Variants in GRM7 observed in about 807,000 individuals in gnomAD.
GRM7 encodes glutamate metabotropic receptor 7, also known as metabotropic glutamate receptor 7.
Under a neutral mutation model 84.5 loss-of-function variants are expected in GRM7, and 35 were observed. That is an observed-to-expected ratio of 0.41 (90% CI 0.32 to 0.55). The LOEUF is 0.55. Among genes scored for constraint, GRM7 ranks in the 20% least tolerant of loss-of-function variants. GRM7 has a pLI of 0.19. For synonymous variants in GRM7, 487 were observed against 455.1 expected, an observed-to-expected ratio of 1.07 and a Z score of -0.89; for missense variants, 1,003 against 1,194.6, an observed-to-expected ratio of 0.84 and a Z score of 2.36.
intron 7 of GRM7, among the ~76,000 whole-genome samples, chr3:7,514,923 A>AT (rs369484762): frequency 3.0e-4 from 44 of 148,046 alleles, no homozygotes; most frequent in Admixed American, 5.4e-4. Context: ...AGTTAGCTGG[A>AT]TTTTTTTTTT....
chr3:7,319,430 T>G (rs1425084702), intron 4 of GRM7, among the ~76,000 whole-genome samples: 1 of 152,032 alleles, frequency 6.6e-6, no homozygotes, highest in Non-Finnish European at 1.5e-5. Context: ...GGATATGTGA[T>G]GGAGATTTTG....
Position 6,959,101 on chromosome 3 carries a change from G to A in GRM7, c.519+97194G>A, listed in dbSNP as rs531035666. ...GAAAGTGATAGCTATGCTTGATTGT[G>A]TAATATGTGGCAGAATTAAGGCTAA... On this transcript the variant is annotated intron_variant, in intron 1 of 9. Coordinates refer to ENST00000357716, the MANE Select transcript of GRM7 (RefSeq NM_000844.4). Among the ~76,000 whole-genome samples, 9 of 152,266 alleles carry A rather than the reference G, an allele frequency of 5.9e-5. 1 individual carries two copies. Among genetic ancestry groups the A allele is most frequent in the Admixed American group, 5.9e-4 (9 of 15,298 alleles).
At chr3:7,288,181 A>G (rs1699497280) in intron 2 of GRM7, among the ~76,000 whole-genome samples, 1 of 152,194 alleles carries the variant, frequency 6.6e-6, no homozygotes, top group South Asian at 2.1e-4. Context: ...AAGGATATAC[A>G]AAGGAAGATG....
chr3:6,864,825 A>C (rs1279373891), intron 1 of GRM7, among the ~76,000 whole-genome samples: 1 of 152,246 alleles, frequency 6.6e-6, no homozygotes, highest in Non-Finnish European at 1.5e-5. Flanking sequence ...CAAAGTCAGG[A>C]ATGAAATTCC....
At chr3:7,466,022 C>G (rs1217910511) in intron 7 of GRM7, among the ~76,000 whole-genome samples, 1 of 152,116 alleles carries the variant, frequency 6.6e-6, no homozygotes, top group Non-Finnish European at 1.5e-5. Context: ...GGAATCATAA[C>G]CAACAAAACC....
chr3:7,134,170 T>A (rs1426458462), intron 1 of GRM7, among the ~76,000 whole-genome samples: 2 of 152,168 alleles, frequency 1.3e-5, no homozygotes, highest in Non-Finnish European at 2.9e-5. Flanking sequence ...AAGATTAGCG[T>A]CATTTTTCTG....
At chr3:7,204,024 A>G (rs1696152128) in intron 2 of GRM7, among the ~76,000 whole-genome samples, 1 of 152,218 alleles carries the variant, frequency 6.6e-6, no homozygotes, top group Admixed American at 6.5e-5. Context: ...TTATGATTGG[A>G]AACATTTCAA....
At chr3:7,330,828 C>A (rs1424361667) in intron 4 of GRM7, among the ~76,000 whole-genome samples, 4 of 152,122 alleles carry the variant, frequency 2.6e-5, no homozygotes, top group African/African-American at 9.7e-5. Flanking sequence ...TCCAGGGCAC[C>A]ATGTTTGTTC....
chr3:6,866,668 T>C (rs1274145287), intron 1 of GRM7, among the ~76,000 whole-genome samples: 2 of 152,214 alleles, frequency 1.3e-5, no homozygotes, highest in Non-Finnish European at 2.9e-5. Context: ...CTGTGGAATT[T>C]ACAGTGGCAG....
At chr3:7,455,019 C>T (rs1430166050) in intron 6 of GRM7, among the ~76,000 whole-genome samples, 2 of 152,080 alleles carry the variant, frequency 1.3e-5, no homozygotes, top group Admixed American at 6.6e-5. Context: ...AAGCTGGAGA[C>T]ATGCTGTACC....
intron 1 of GRM7, among the ~76,000 whole-genome samples, chr3:6,974,284 GA>G (rs578054828): frequency 2.6e-5 from 4 of 151,910 alleles, no homozygotes; most frequent in Non-Finnish European, 5.9e-5. Context: ...GAGTTTTGGA[GA>G]AAAAAAATTG....
intron 1 of GRM7, among the ~76,000 whole-genome samples, chr3:7,022,077 C>T (rs1695796646): frequency 6.6e-6 from 1 of 152,046 alleles, no homozygotes; most frequent in African/African-American, 2.4e-5. Flanking sequence ...CCTATAATCC[C>T]AGCACTTTGG....
intron 4 of GRM7, among the ~76,000 whole-genome samples, chr3:7,330,673 A>G (rs1701171478): frequency 6.6e-6 from 1 of 152,188 alleles, no homozygotes. Flanking sequence ...CCGCCATGTA[A>G]GACATGCATT....
At chr3:6,884,205 G>C (rs1323277996) in intron 1 of GRM7, 1 of 152,568 alleles carries the variant, frequency 6.6e-6, no homozygotes, top group Non-Finnish European at 1.5e-5. Flanking sequence ...TACCTGTTCT[G>C]TTTTATTTCT....
chr3:7,501,935 A>G (rs143210518), intron 7 of GRM7, among the ~76,000 whole-genome samples: 1 of 152,294 alleles, frequency 6.6e-6, no homozygotes, highest in African/African-American at 2.4e-5. Flanking sequence ...TGAGTTTTCT[A>G]TCCTACGCAA....
intron 7 of GRM7, among the ~76,000 whole-genome samples, chr3:7,526,415 G>T (rs111815029): frequency 6.6e-6 from 1 of 151,848 alleles, no homozygotes; most frequent in Non-Finnish European, 1.5e-5. Flanking sequence ...GTTTCTTATA[G>T]ATTATGGATA....
intron 1 of GRM7, among the ~76,000 whole-genome samples, chr3:7,131,117 T>A (rs915633854): frequency 1.3e-5 from 2 of 152,102 alleles, no homozygotes; most frequent in African/African-American, 4.8e-5. Flanking sequence ...TAGGAAGGAC[T>A]GACAAAAAAA....
intron 9 of GRM7, among the ~76,000 whole-genome samples, chr3:7,739,594 C>T (rs1252526056): frequency 6.6e-6 from 1 of 152,126 alleles, no homozygotes; most frequent in Non-Finnish European, 1.5e-5. Flanking sequence ...TCTTTGTTTC[C>T]AGCATGAGGA....
chr3:7,453,760 A>G (rs1697880436), intron 6 of GRM7, among the ~76,000 whole-genome samples: 1 of 152,106 alleles, frequency 6.6e-6, no homozygotes, highest in South Asian at 2.1e-4. Context: ...GACAACCACG[A>G]AGAAATGTGA....
Sources: allele counts gnomAD v4.1 joint callset (sites outside exome capture counted in the v4.1 genomes callset), GRCh38; gene constraint gnomAD v4.1.1; transcripts MANE v1.5; gene names NCBI Gene and HGNC (gene_info 2026-07-23, HGNC 2026-07-21).